The following EPRS1 variants were observed in gnomAD, a reference collection of about 807,000 sequenced individuals.
The protein encoded by EPRS1 is bifunctional glutamate/proline--tRNA ligase.
Under a neutral mutation model 188.3 loss-of-function variants are expected in EPRS1, and 107 were observed. The ratio of observed to expected loss-of-function variants is 0.57; its 90% CI spans 0.49 to 0.67. The LOEUF is 0.67. Among genes scored for constraint, EPRS1 ranks in the 30% least tolerant of loss-of-function variants. EPRS1 has a pLI of 0.00. For synonymous variants in EPRS1, 596 were observed against 593.1 expected (o/e 1.00, Z -0.07); for missense variants, 1,577 against 1,802.2 (o/e 0.88, Z 2.26).
Position 220,022,339 on chromosome 1 carries a change from AT to A in EPRS1, c.1115+7del. ...GGCTACCTAGCATATTGAAGGAGAT[AT>A]ACTTACTTGTATTTATTTCCAGTTC... On this transcript the variant is annotated splice_region_variant and intron_variant, in intron 9 of 31. Coordinates refer to ENST00000366923, the MANE Select transcript of EPRS1 (RefSeq NM_004446.3). 6.2e-7 allele frequency: 1 copy of A among 1,611,038 alleles called. No homozygotes were observed. Among genetic ancestry groups the A allele is most frequent in the Non-Finnish European group, 8.5e-7 (1 of 1,178,038 alleles).
At chr1:220,037,324 G>A (rs1386753734) in intron 2 of EPRS1, among the ~76,000 whole-genome samples, 1 of 151,956 alleles carries the variant, frequency 6.6e-6, no homozygotes, top group African/African-American at 2.4e-5. Flanking sequence ...GGACAACATA[G>A]TGAAATCCCA....
At position 219,978,678 on chromosome 1, in the gene EPRS1, T is replaced by G. The variant is rs1417786775; in HGVS notation, c.3951A>C (p.Glu1317Asp). The G allele has an allele frequency of 6.2e-7, 1 of 1,612,612 alleles. No homozygotes were observed. Among genetic ancestry groups the G allele is most frequent in the East Asian group, 2.2e-5 (1 of 44,776 alleles). ...TTGCAATCAGCGCTTCTTTGTCTTC[T>G]TCAGAAAGTGCATTGGTAATGCCAC... ...IPCGITNALS[E>D]EDKEALIAKC... Residue 1317 changes from glutamate to aspartate, a missense_variant, in exon 28 of 32, where the codon GAA becomes GAC. Glu to Asp is a conservative substitution (Grantham distance 45, BLOSUM62 2). Around this residue, in one of 3 missense-constraint regions of EPRS1, gnomAD observed 296 missense variants for 327.9 expected, o/e 0.90. Transcript: ENST00000366923.
intron 12 of EPRS1, among the ~76,000 whole-genome samples, chr1:220,012,142 T>A (rs1661617357): frequency 6.6e-6 from 1 of 152,162 alleles, no homozygotes; most frequent in Admixed American, 6.6e-5. Context: ...TAACTTCTCC[T>A]CATCTGCTAA....
chr1:219,980,949 G>C (rs1660884314), intron 24 of EPRS1, 92 bp from the exon 25 acceptor site: 2 of 786,872 alleles, frequency 2.5e-6, no homozygotes, highest in Non-Finnish European at 4.3e-6. Context: ...CCCCAGGCTG[G>C]AGTGCAGTGG....
chr1:220,044,711 A>AAAAAT (rs1558064845), intron 1 of EPRS1, among the ~76,000 whole-genome samples: 4 of 124,922 alleles, frequency 3.2e-5, no homozygotes, highest in Non-Finnish European at 6.9e-5. Flanking sequence ...AAAAAAAAAA[A>AAAAAT]AACAGTATCA....
At chr1:220,039,183 T>C (rs1208049688) in intron 2 of EPRS1, among the ~76,000 whole-genome samples, 1 of 152,190 alleles carries the variant, frequency 6.6e-6, no homozygotes, top group Non-Finnish European at 1.5e-5. Flanking sequence ...TTCCCCTGTC[T>C]GAAACTTCCC....
At chr1:219,980,959 G>C in intron 24 of EPRS1, 102 bp from the exon 25 acceptor site, 1 of 731,214 alleles carries the variant, frequency 1.4e-6, no homozygotes. Context: ...GAGTGCAGTG[G>C]TGCAATCATG....
intron 6 of EPRS1, among the ~76,000 whole-genome samples, chr1:220,029,969 C>T (rs2577142): frequency 0.8 from 121,966 of 152,086 alleles, 49,071 homozygotes; most frequent in East Asian, 0.93. Flanking sequence ...CTCCCCTTCA[C>T]TTGGGGAAAA....
At chr1:219,997,450 A>T (rs1661259512) in intron 17 of EPRS1, 108 bp from the exon 18 acceptor site, 1 of 989,540 alleles carries the variant, frequency 1.0e-6, no homozygotes, top group Non-Finnish European at 1.4e-6. Flanking sequence ...AAAAACAGAA[A>T]CTTTAAACTT....
rs923807320 is a variant in EPRS1 at position 220,032,494 on chromosome 1, T to C, written c.421A>G (p.Lys141Glu). The change falls in exon 5 of 32, where the codon AAG (lysine) becomes GAG (glutamate). Residue 141 changes from lysine to glutamate, a missense_variant. This residue lies in a region of EPRS1 where 1,278 missense variants were observed against 1,457.4 expected (regional missense o/e 0.88). Transcript: ENST00000366923. ...NAAWQEQLKQKKAPVHVKRWF... is the reference protein window; with the variant it reads ...NAAWQEQLKQEKAPVHVKRWF... ...CGTTTTACATGAACTGGAGCTTTCT[T>C]CTGTTTCAACTGTTCTTGCCAGGCA... 6.2e-7 allele frequency: 1 copy of C among 1,613,888 alleles called. No homozygotes were observed. Among genetic ancestry groups the C allele is most frequent in the Non-Finnish European group, 8.5e-7 (1 of 1,179,970 alleles).
chr1:219,968,976 A>C lies in EPRS1; in HGVS notation c.4389-20T>G, dbSNP rs748875081. ...TGATCCCTGAAATTAATAACAAATA[A>C]GAATTCCACTCATTTATGCTGCAAA... On this transcript the variant is annotated intron_variant, in intron 31 of 31. Transcript: ENST00000366923. 15 of 1,613,836 alleles carry C rather than the reference A, an allele frequency of 9.3e-6. No individual in the cohort carries two copies. In the South Asian group the frequency reaches 1.6e-4, roughly 18 times the overall value.
At chr1:220,042,310 C>A (rs1382906088) in intron 1 of EPRS1, among the ~76,000 whole-genome samples, 2 of 149,794 alleles carry the variant, frequency 1.3e-5, no homozygotes. Flanking sequence ...TGGTGAAACC[C>A]CATCTCTGCT....
chr1:220,005,212 G>T, intron 16 of EPRS1, 36 bp downstream of exon 16: 1 of 926,554 alleles, frequency 1.1e-6, no homozygotes, highest in Non-Finnish European at 1.6e-6. Context: ...ACAACTTTAA[G>T]CATTTTCATT....
At chr1:220,031,622 A>G (rs1018481679) in intron 5 of EPRS1, among the ~76,000 whole-genome samples, 6 of 152,222 alleles carry the variant, frequency 3.9e-5, no homozygotes, top group African/African-American at 1.4e-4. Context: ...AGAAAACCTT[A>G]ATTAAATCAA....
intron 16 of EPRS1, among the ~76,000 whole-genome samples, chr1:220,003,694 A>G (rs976102484): frequency 6.6e-6 from 1 of 152,208 alleles, no homozygotes; most frequent in African/African-American, 2.4e-5. Context: ...CTACTCTGTT[A>G]TTTTAGTTGG....
intron 17 of EPRS1, among the ~76,000 whole-genome samples, chr1:219,999,558 T>C (rs1216116213): frequency 6.6e-6 from 1 of 152,126 alleles, no homozygotes; most frequent in Non-Finnish European, 1.5e-5. Flanking sequence ...AGTTAAGAAG[T>C]CTTATTACCC....
At chr1:219,979,681 T>C (rs907220027) in intron 26 of EPRS1, 66 bp from the exon 27 acceptor site, 1 of 1,100,158 alleles carries the variant, frequency 9.1e-7, no homozygotes, top group Non-Finnish European at 1.3e-6. Context: ...AAATGATTAC[T>C]ATAAGATCAC....
At position 220,001,230 on chromosome 1, in the gene EPRS1, A is replaced by G. The variant is rs1260169319; in HGVS notation, c.2089T>C (p.Cys697Arg). ...CCATCAGGAATGTATATCAAAACAC[A>G]CGGGGCTTCCTTGCAACTATATGGG... ...VSPYSCKEAP[C>R]VLIYIPDGHT... Residue 697 changes from cysteine (C) to arginine (R), a missense_variant, in exon 17 of 32, where the codon TGT becomes CGT. Transcript: ENST00000366923. 1 of 1,613,082 alleles carries G rather than the reference A, an allele frequency of 6.2e-7. No homozygotes were observed. Among genetic ancestry groups the G allele is most frequent in the East Asian group, 2.2e-5 (1 of 44,872 alleles).
At chr1:219,973,183 C>A in intron 29 of EPRS1, 55 bp downstream of exon 29, 2 of 1,504,340 alleles carry the variant, frequency 1.3e-6, no homozygotes, top group Non-Finnish European at 1.8e-6. Flanking sequence ...TGGTAAAGAT[C>A]TCAAAGGTGG....
Sources: allele counts gnomAD v4.1 joint callset (sites outside exome capture counted in the v4.1 genomes callset), GRCh38; gene constraint gnomAD v4.1.1; regional missense constraint gnomAD v4.1.1; transcripts MANE v1.5; gene names NCBI Gene and HGNC (gene_info 2026-07-23, HGNC 2026-07-21).